ITGA2: variants seen among roughly 807,000 people sequenced by gnomAD.
The protein encoded by ITGA2 is integrin subunit alpha 2, also known as integrin alpha-2.
In ITGA2, 101 loss-of-function variants were observed where a neutral mutation model predicts 146.3. That is an observed-to-expected ratio of 0.69 (90% CI 0.59 to 0.81). The LOEUF (loss-of-function observed/expected upper bound fraction) is 0.81, where lower values mean the gene tolerates loss of function less well. ITGA2 is among the 40% of genes least tolerant of loss of function. ITGA2 has a pLI of 0.00. For missense variants in ITGA2, 1,281 were observed against 1,402.7 expected (o/e 0.91, Z 1.39); for synonymous variants, 477 against 487.1 (o/e 0.98, Z 0.27).
chr5:53,062,990 AT>A, intron 13 of ITGA2, 61 bp downstream of exon 13: 2 of 1,347,644 alleles, frequency 1.5e-6, no homozygotes, highest in Non-Finnish European at 2.1e-6. Context: ...TTTAACTTGC[AT>A]TTGGAAAGAA....
At chr5:52,995,312 G>T (rs1041018268) in intron 1 of ITGA2, among the ~76,000 whole-genome samples, 2 of 152,286 alleles carry the variant, frequency 1.3e-5, no homozygotes, top group Non-Finnish European at 1.5e-5. Context: ...ATGGAGGCCA[G>T]GTGGAAAGCA....
chr5:53,046,337 A>G (rs1267935484), intron 4 of ITGA2, among the ~76,000 whole-genome samples: 1 of 152,104 alleles, frequency 6.6e-6, no homozygotes, highest in Non-Finnish European at 1.5e-5. Flanking sequence ...ATCAATTTTC[A>G]ACGTCATTCT....
chr5:53,074,223 C>T (rs970495553), intron 20 of ITGA2, among the ~76,000 whole-genome samples, 162 bp from the exon 21 acceptor site: 9 of 151,910 alleles, frequency 5.9e-5, no homozygotes, highest in Admixed American at 1.3e-4. Context: ...ATATTAGCCA[C>T]CTGGGCAGTA....
At chr5:53,038,693 C>T (rs1229797602) in intron 2 of ITGA2, among the ~76,000 whole-genome samples, 2 of 152,306 alleles carry the variant, frequency 1.3e-5, no homozygotes, top group African/African-American at 4.8e-5. Context: ...AGAACCTGGG[C>T]TTCCGCACTT....
chr5:53,064,311 T>A (rs1745039969), intron 13 of ITGA2, among the ~76,000 whole-genome samples: 1 of 151,916 alleles, frequency 6.6e-6, no homozygotes, highest in African/African-American at 2.4e-5. Context: ...ATGAAGATCG[T>A]ATTATTGAGA....
At position 53,072,644 on chromosome 5, in the gene ITGA2, G is replaced by A. The variant is rs1276524442; in HGVS notation, c.2378G>A (p.Gly793Glu). ...TTCCACAAAGACTGTGGTGAGGACG[G>A]ACTTTGCATTTCTGATCTAGTCCTA... ...IPFHKDCGED[G>E]LCISDLVLDV... is the part of the protein sequence containing the mutation. Residue 793 changes from glycine to glutamate, a missense_variant, in exon 19 of 30, where the codon GGA (glycine) becomes GAA (glutamate). Coordinates refer to ENST00000296585, the MANE Select transcript of ITGA2 (RefSeq NM_002203.4). 1 of 1,610,638 alleles carries A rather than the reference G, an allele frequency of 6.2e-7. No individual in the cohort carries two copies. Among genetic ancestry groups the A allele is most frequent in the African/African-American group, 1.3e-5 (1 of 74,544 alleles).
intron 9 of ITGA2, among the ~76,000 whole-genome samples, chr5:53,057,767 A>G (rs1055555417): frequency 6.6e-6 from 1 of 151,952 alleles, no homozygotes; most frequent in Non-Finnish European, 1.5e-5. Context: ...TGCTAAATAC[A>G]TTAATGTTCA....
In ITGA2 at chr5:53,060,021, T is replaced by C. The variant is rs760422395; in HGVS notation, c.1312+9T>C. 16 of 1,611,758 alleles carry C rather than the reference T, an allele frequency of 9.9e-6. No homozygotes were observed. The highest frequency in any genetic ancestry group is 4.4e-5 in the South Asian group (4 of 91,056). On this transcript the variant is annotated intron_variant, in intron 11 of 29. Transcript: ENST00000296585. ...TCACAGTTCATATTTAGGTAAGGCATGGTAATAATTGGCTCAGCAAACTTA... is the reference window on the plus strand; with the variant it reads ...TCACAGTTCATATTTAGGTAAGGCACGGTAATAATTGGCTCAGCAAACTTA...
rs1480696798 is a variant in ITGA2, at chr5:53,059,864, A to G, written c.1174-10A>G. On this transcript the variant is annotated splice_polypyrimidine_tract_variant and intron_variant, in intron 10 of 29. Transcript: ENST00000296585. The stretch of plus-strand genomic sequence containing the variant: ...TTGTTTCAATGATCTTCATTTTTCA[A>G]TTATTTTAGGATATTCTGATGCTGG... 2.5e-6 allele frequency: 4 copies of G among 1,611,134 alleles called. No individual in the cohort carries two copies. Among genetic ancestry groups the G allele is most frequent in the Non-Finnish European group, 3.4e-6 (4 of 1,178,344 alleles).
intron 1 of ITGA2, among the ~76,000 whole-genome samples, chr5:53,011,721 T>C (rs1057106918): frequency 6.7e-6 from 1 of 149,032 alleles, no homozygotes; most frequent in African/African-American, 2.5e-5. Context: ...ATTGTAGTGA[T>C]GGTGAATATG....
In ITGA2 at chr5:53,080,525, T is replaced by C. The variant is rs1745872096; in HGVS notation, c.2943T>C (p.Ser981=). The C allele has an allele frequency of 6.2e-7, 1 of 1,612,660 alleles. No individual in the cohort carries two copies. The highest frequency in any genetic ancestry group is 1.7e-5 in the Admixed American group (1 of 59,972). The part of the protein sequence containing the change: ...FIFSLKVTTG[S]VPVSMATVII... ...TCTCTACATAGGTAACAACAGGAAG[T>C]GTTCCAGTAAGCATGGCAACTGTAA... Residue 981 remains serine, a synonymous_variant, in exon 25 of 30, where the codon AGT becomes AGC. Transcript: ENST00000296585.
intron 1 of ITGA2, among the ~76,000 whole-genome samples, chr5:53,011,214 G>A (rs1259136280): frequency 1.3e-5 from 2 of 151,994 alleles, no homozygotes; most frequent in East Asian, 1.9e-4. Context: ...CATATAGAGG[G>A]GCCAGAGACC....
chr5:53,050,723 T>C (rs1247942710), intron 6 of ITGA2, among the ~76,000 whole-genome samples: 2 of 152,324 alleles, frequency 1.3e-5, no homozygotes, highest in South Asian at 2.1e-4. Context: ...TGTGACCTTA[T>C]TGATCTCTAG....
chr5:53,083,683 C>T (rs1057427092), intron 27 of ITGA2, among the ~76,000 whole-genome samples: 2 of 152,174 alleles, frequency 1.3e-5, no homozygotes, highest in African/African-American at 4.8e-5. Flanking sequence ...GTCTGTTTCT[C>T]AGACTCCATG....
intron 7 of ITGA2, among the ~76,000 whole-genome samples, chr5:53,054,596 A>G (rs1744538535): frequency 6.6e-6 from 1 of 152,176 alleles, no homozygotes; most frequent in Non-Finnish European, 1.5e-5. Context: ...TAAATAAACC[A>G]GTCTTCCTTC....
chr5:53,035,833 G>A (rs374409320), intron 2 of ITGA2, among the ~76,000 whole-genome samples: 2 of 151,972 alleles, frequency 1.3e-5, no homozygotes, highest in Admixed American at 6.6e-5. Context: ...AAATTTTTAC[G>A]TGCATGTAGA....
chr5:53,075,343 A>G (rs377000171), intron 23 of ITGA2, 39 bp downstream of exon 23: 2 of 1,519,808 alleles, frequency 1.3e-6, no homozygotes, highest in Non-Finnish European at 1.8e-6. Flanking sequence ...CACTGACACC[A>G]ACTCTAGATC....
chr5:53,073,066 C>T, intron 19 of ITGA2, 52 bp from the exon 20 acceptor site: 4 of 1,568,168 alleles, frequency 2.6e-6, no homozygotes, highest in Admixed American at 1.7e-5. Context: ...AAAATACTGG[C>T]CTTTTTATTT....
intron 1 of ITGA2, among the ~76,000 whole-genome samples, chr5:53,022,799 C>G (rs1003529142): frequency 2.0e-5 from 3 of 152,184 alleles, no homozygotes; most frequent in African/African-American, 7.2e-5. Flanking sequence ...CTCCTGGATT[C>G]AAGCTATCCT....
Sources: allele counts gnomAD v4.1 joint callset (sites outside exome capture counted in the v4.1 genomes callset), GRCh38; gene constraint gnomAD v4.1.1; transcripts MANE v1.5; gene names NCBI Gene and HGNC (gene_info 2026-07-23, HGNC 2026-07-21).